Variants in SLC7A2 observed in about 807,000 individuals in gnomAD.
SLC7A2 encodes solute carrier family 7 member 2, also known as cationic amino acid transporter 2.
In SLC7A2, 48 loss-of-function variants were observed where a neutral mutation model predicts 58.9. The observed-to-expected ratio is 0.82, with a 90% CI of 0.65 to 1.04. SLC7A2 has a LOEUF of 1.04. Ranked by LOEUF, SLC7A2 falls within the 50% of genes least tolerant of loss-of-function variation. The pLI is 0.00. For missense variants in SLC7A2, 1,029 were observed against 818.8 expected, an observed-to-expected ratio of 1.26 and a Z score of -3.13; for synonymous variants, 363 against 314.5, an observed-to-expected ratio of 1.15 and a Z score of -1.63.
intron 2 of SLC7A2, among the ~76,000 whole-genome samples, chr8:17,517,233 G>C (rs1489141555): frequency 1.3e-5 from 2 of 152,128 alleles, no homozygotes; most frequent in African/African-American, 2.4e-5. Flanking sequence ...CTTGGCAATA[G>C]AAGGAAGAGG....
intron 2 of SLC7A2, among the ~76,000 whole-genome samples, chr8:17,512,808 C>T (rs752529152): frequency 6.6e-6 from 1 of 152,148 alleles, no homozygotes; most frequent in Non-Finnish European, 1.5e-5. Context: ...TCCCTTCCGC[C>T]CTGGCCAACC....
intron 2 of SLC7A2, among the ~76,000 whole-genome samples, chr8:17,533,977 A>G (rs1004895354): frequency 6.6e-6 from 1 of 151,482 alleles, no homozygotes; most frequent in Non-Finnish European, 1.5e-5. Context: ...ATGTGTTCTC[A>G]TTGCTCAGCT....
intron 2 of SLC7A2, among the ~76,000 whole-genome samples, chr8:17,539,819 C>G (rs772639568): frequency 6.6e-6 from 1 of 152,144 alleles, no homozygotes; most frequent in Non-Finnish European, 1.5e-5. Context: ...CTCCAAAACC[C>G]CTGCATTGTA....
At chr8:17,498,606 T>C (rs942360416) in intron 1 of SLC7A2, 1 of 152,240 alleles carries the variant, frequency 6.6e-6, no homozygotes, top group Non-Finnish European at 1.5e-5. Flanking sequence ...CACTTTATTG[T>C]GATTTTTCAA....
intron 2 of SLC7A2, among the ~76,000 whole-genome samples, chr8:17,509,352 T>C (rs1257903583): frequency 6.6e-6 from 1 of 152,088 alleles, no homozygotes; most frequent in African/African-American, 2.4e-5. Context: ...CTGTCGCCCG[T>C]TGGAGTGCAG....
intron 2 of SLC7A2, among the ~76,000 whole-genome samples, chr8:17,541,762 A>G (rs1225330541): frequency 6.6e-6 from 1 of 152,244 alleles, no homozygotes; most frequent in Non-Finnish European, 1.5e-5. Context: ...AGGTATTAGC[A>G]ATGTAACATA....
chr8:17,543,730 G>A lies in SLC7A2; in HGVS notation c.376+15G>A. ...GTATGTGATAGGTATGTTTCAAAAA[G>A]AAATCTAACTTGTGTGGAATGGAAG... On this transcript the variant is annotated intron_variant, in intron 3 of 12. Transcript: ENST00000494857. 6.6e-7 allele frequency: 1 copy of A among 1,512,148 alleles called. No homozygotes were observed. The highest frequency in any genetic ancestry group is 8.8e-7 in the Non-Finnish European group (1 of 1,131,050). The allele number at this position is 1,512,148 out of a possible 1,614,324, so 93.7% of individuals were successfully genotyped here.
chr8:17,568,574 T>G lies in SLC7A2; in HGVS notation c.*3428T>G, dbSNP rs1803372205. On this transcript the variant is annotated 3_prime_UTR_variant, in exon 13 of 13. Coordinates refer to ENST00000494857, the MANE Select transcript of SLC7A2 (RefSeq NM_001370338.1). ...AAGAGACTATTTGTTTTCTTTTAAT[T>G]TCTATGAATAAAAGAAATTTTTAAA... The G allele has an allele frequency of 6.6e-6, 1 of 152,140 alleles. No individual in the cohort carries two copies. Among genetic ancestry groups the G allele is most frequent in the East Asian group, 1.9e-4 (1 of 5,196 alleles). 9.4% of individuals were successfully genotyped at this position (152,140 alleles called of 1,614,324 possible).
At chr8:17,512,622 T>G (rs1408502088) in intron 2 of SLC7A2, among the ~76,000 whole-genome samples, 3 of 27,014 alleles carry the variant, frequency 1.1e-4, no homozygotes, top group Non-Finnish European at 3.8e-4. Context: ...TCATGGTGGG[T>G]TTTTTTCCCC....
rs956928458 is a variant in SLC7A2, at chr8:17,565,348, T to C, written c.*202T>C. On this transcript the variant is annotated 3_prime_UTR_variant, in exon 13 of 13. Transcript: ENST00000494857. ...GGAAACCTCCTGAGTGGAAGTTTCA[T>C]TCATCAGTGATGAATAGCCCCCAAA... is the stretch of plus-strand genomic sequence containing the variant. 3.6e-6 allele frequency: 2 copies of C among 553,488 alleles called. No individual in the cohort carries two copies. The highest frequency in any genetic ancestry group is 6.4e-6 in the Non-Finnish European group (2 of 313,326). The allele number at this position is 553,488 out of a possible 1,614,324, so 34.3% of individuals were successfully genotyped here. A position where few individuals can be genotyped will look rare whatever the true frequency, so the allele number is the denominator to read the frequency against.
intron 2 of SLC7A2, among the ~76,000 whole-genome samples, chr8:17,524,401 CAT>C (rs200734596): frequency 0.048 from 6,461 of 133,800 alleles, 159 homozygotes; most frequent in Middle Eastern, 0.082. Flanking sequence ...GTGAGATATA[CAT>C]ATATGTGTGT....
rs186738529 is a variant in SLC7A2 at position 17,550,866 on chromosome 8, T to A, written c.832+432T>A. Among the ~76,000 whole-genome samples, 216 of 152,306 alleles carry A rather than the reference T, an allele frequency of 1.4e-3. 1 individual carries two copies. The highest frequency in any genetic ancestry group is 4.9e-3 in the African/African-American group (205 of 41,556). Reference sequence around the variant, plus strand: ...TGTCAGTTCTTTCTATGTTATCTTATACAACATCATAATCATGCCGGAGTC... The same window carrying A: ...TGTCAGTTCTTTCTATGTTATCTTAAACAACATCATAATCATGCCGGAGTC... On this transcript the variant is annotated intron_variant, in intron 6 of 12. Transcript: ENST00000494857.
chr8:17,525,966 A>T (rs1019214790), intron 2 of SLC7A2, among the ~76,000 whole-genome samples: 2 of 152,306 alleles, frequency 1.3e-5, no homozygotes, highest in Non-Finnish European at 2.9e-5. Context: ...AGTAATTTGC[A>T]TATACCTTAG....
intron 9 of SLC7A2, among the ~76,000 whole-genome samples, chr8:17,559,829 G>A (rs1338107081): frequency 1.3e-5 from 2 of 152,162 alleles, no homozygotes; most frequent in Admixed American, 6.5e-5. Flanking sequence ...GACATGCAAT[G>A]GGTGTAGAAG....
chr8:17,569,728 C>G lies in SLC7A2; in HGVS notation c.*4582C>G, dbSNP rs899489925. Reference sequence around the variant, plus strand: ...TCAAATGCATTTTGTTATTGCTCAACCCAACTGGTAACACTGTTTGCTGGG... The same window carrying G: ...TCAAATGCATTTTGTTATTGCTCAAGCCAACTGGTAACACTGTTTGCTGGG... On this transcript the variant is annotated 3_prime_UTR_variant, in exon 13 of 13. Transcript: ENST00000494857. 2 of 152,118 alleles carry G rather than the reference C, an allele frequency of 1.3e-5. No homozygotes were observed. Among genetic ancestry groups the G allele is most frequent in the African/African-American group, 4.8e-5 (2 of 41,428 alleles). The allele number at this position is 152,118 out of a possible 1,614,324, so 9.4% of individuals were successfully genotyped here. A position where few individuals can be genotyped will look rare whatever the true frequency, so the allele number is the denominator to read the frequency against.
intron 1 of SLC7A2, among the ~76,000 whole-genome samples, chr8:17,501,633 A>G (rs1463859992): frequency 1.3e-5 from 2 of 152,102 alleles, no homozygotes; most frequent in African/African-American, 2.4e-5. Context: ...CCAAGACTGA[A>G]TCATGAAGCT....
intron 2 of SLC7A2, among the ~76,000 whole-genome samples, chr8:17,516,494 G>A (rs1800810164): frequency 6.6e-6 from 1 of 152,220 alleles, no homozygotes; most frequent in South Asian, 2.1e-4. Context: ...AAAGAGCTGG[G>A]ATGACAGGCG....
intron 9 of SLC7A2, 31 bp from the exon 10 acceptor site, chr8:17,560,297 A>G (rs1305959888): frequency 6.4e-7 from 1 of 1,555,130 alleles, no homozygotes; most frequent in Admixed American, 1.7e-5. Flanking sequence ...TCTATTTGAG[A>G]ATAAAGACAT....
intron 10 of SLC7A2, among the ~76,000 whole-genome samples, 168 bp from the exon 11 acceptor site, chr8:17,561,776 C>A (rs1802999776): frequency 6.6e-6 from 1 of 152,182 alleles, no homozygotes; most frequent in African/African-American, 2.4e-5. Context: ...TGCAACTGGA[C>A]ATCTCTCTCC....
Sources: gnomAD v4.1 joint callset for allele counts (sites outside exome capture counted in the v4.1 genomes callset) on GRCh38, gnomAD v4.1.1 for gene constraint, MANE v1.5 for transcripts, NCBI Gene and HGNC (gene_info 2026-07-23, HGNC 2026-07-21) for gene names.